The following KIF13A variants were observed in gnomAD, a reference collection of about 807,000 sequenced individuals.
KIF13A encodes kinesin-like protein KIF13A.
KIF13A carries 79 observed loss-of-function variants against 212.2 expected under a neutral mutation model. The ratio of observed to expected loss-of-function variants is 0.37; its 90% CI spans 0.31 to 0.45. The LOEUF (loss-of-function observed/expected upper bound fraction) is 0.45, where lower values mean the gene tolerates loss of function less well. Ranked by LOEUF, KIF13A falls within the 20% of genes least tolerant of loss-of-function variation. KIF13A has a pLI of 1.00. For synonymous variants in KIF13A, 789 were observed against 808.6 expected (o/e 0.98, Z 0.41); for missense variants, 1,901 against 2,209.0 (o/e 0.86, Z 2.79).
At chr6:17,913,379 A>G (rs1285670503) in intron 2 of KIF13A, among the ~76,000 whole-genome samples, 1 of 152,160 alleles carries the variant, frequency 6.6e-6, no homozygotes, top group Non-Finnish European at 1.5e-5. Flanking sequence ...TCAATGAATC[A>G]ACTTCTTATG....
At position 17,787,769 on chromosome 6, in the gene KIF13A, C is replaced by G; in HGVS notation, c.3361+7G>C. On this transcript the variant is annotated splice_region_variant and intron_variant, in intron 27 of 38. Transcript: ENST00000259711. The surrounding 1 kb of genome is among the most constrained non-coding windows in gnomAD (Gnocchi z 4.6). ...TACTCCCCATAAAAGAGTTTGATCT[C>G]ACATACCTGTTTTATTGCTGACTTT... is the stretch of plus-strand genomic sequence containing the variant. 1 of 1,570,682 alleles carries G rather than the reference C, an allele frequency of 6.4e-7. No individual in the cohort carries two copies. The highest frequency in any genetic ancestry group is 8.8e-7 in the Non-Finnish European group (1 of 1,140,514).
chr6:17,835,022 T>C (rs1765797846), intron 11 of KIF13A, among the ~76,000 whole-genome samples: 1 of 150,902 alleles, frequency 6.6e-6, no homozygotes, highest in Non-Finnish European at 1.5e-5. Context: ...CTACTAAAAA[T>C]ACAAAAAAAA....
chr6:17,882,340 ATTCTTT>A (rs1007595358), intron 3 of KIF13A, among the ~76,000 whole-genome samples: 3 of 152,250 alleles, frequency 2.0e-5, no homozygotes, highest in Non-Finnish European at 4.4e-5. Context: ...CAAAACAAGT[ATTCTTT>A]TTCTAAGAAA....
Position 17,895,419 on chromosome 6 carries a change from G to C in KIF13A, c.159+2749C>G, listed in dbSNP as rs1300940951. Among the ~76,000 whole-genome samples the C allele has an allele frequency of 1.3e-5, 2 of 152,136 alleles. No homozygotes were observed. The highest frequency in any genetic ancestry group is 2.9e-5 in the Non-Finnish European group (2 of 68,020). On this transcript the variant is annotated intron_variant, in intron 3 of 38. Transcript: ENST00000259711. The surrounding 1 kb of genome is among the most constrained non-coding windows in gnomAD (Gnocchi z 4.4). Reference sequence around the variant, plus strand: ...TCATTTACTTCTGCCAGGTGCCTATGGGCACCTGCATTCTGGTATCACTTT... The same window carrying C: ...TCATTTACTTCTGCCAGGTGCCTATCGGCACCTGCATTCTGGTATCACTTT...
chr6:17,855,293 A>T lies in KIF13A; in HGVS notation c.494+144T>A. On this transcript the variant is annotated intron_variant, in intron 6 of 38. Coordinates refer to ENST00000259711, the MANE Select transcript of KIF13A (RefSeq NM_022113.6). The surrounding 1 kb of genome is among the most constrained non-coding windows in gnomAD (Gnocchi z 4.1). ...ACTGGGTATACCAAAAGGCTTTGAGAAGCTGATGATTTTTCTGTAAATGAA... is the reference window on the plus strand; with the variant it reads ...ACTGGGTATACCAAAAGGCTTTGAGTAGCTGATGATTTTTCTGTAAATGAA... The T allele has an allele frequency of 4.8e-6, 3 of 631,298 alleles. No homozygotes were observed. The highest frequency in any genetic ancestry group is 7.9e-6 in the Non-Finnish European group (3 of 378,620). The allele number at this position is 631,298 out of a possible 1,614,324, so 39.1% of individuals were successfully genotyped here.
chr6:17,830,962 G>A (rs41267722), intron 13 of KIF13A, 139 bp downstream of exon 13: 21,601 of 698,884 alleles, frequency 0.031, 470 homozygotes, highest in Non-Finnish European at 0.04. Context: ...AGTGGTGATC[G>A]GAGGGCACTA....
intron 12 of KIF13A, among the ~76,000 whole-genome samples, chr6:17,833,245 A>G (rs112813800): frequency 0.062 from 9,409 of 152,102 alleles, 365 homozygotes; most frequent in Middle Eastern, 0.088. Context: ...CTGTAACCCC[A>G]GCACTCTGGG....
intron 16 of KIF13A, among the ~76,000 whole-genome samples, chr6:17,817,954 G>A (rs889235584): frequency 4.6e-5 from 7 of 151,696 alleles, no homozygotes; most frequent in Admixed American, 1.3e-4. Context: ...CATGATGGTT[G>A]TGGTATAGGT....
rs1420228390 is a variant in KIF13A, at chr6:17,837,324, T to C, written c.942+148A>G. ...AAATGGAATAAAAAGGAGTAGAAAATAGTTTTCATTCTGTGTTCCTAGGAA... is the reference window on the plus strand; with the variant it reads ...AAATGGAATAAAAAGGAGTAGAAAACAGTTTTCATTCTGTGTTCCTAGGAA... On this transcript the variant is annotated intron_variant, in intron 10 of 38. Transcript: ENST00000259711. This position sits in a 1 kb window ranked among gnomAD's most constrained non-coding sequence, Gnocchi z 5.4. The C allele has an allele frequency of 2.9e-6, 2 of 681,898 alleles. No homozygotes were observed. The highest frequency in any genetic ancestry group is 1.9e-5 in the South Asian group (1 of 51,924). 42.2% of individuals were successfully genotyped at this position (681,898 alleles called of 1,614,324 possible).
intron 2 of KIF13A, among the ~76,000 whole-genome samples, chr6:17,979,834 AATTAAACATAAGG>A (rs1780900804): frequency 6.6e-6 from 1 of 152,110 alleles, no homozygotes; most frequent in Non-Finnish European, 1.5e-5. Flanking sequence ...AGAAACAAAA[AATTAAACATAAGG>A]ATTAAACATA....
Position 17,763,990 on chromosome 6 carries a change from G to T in KIF13A, c.*120C>A. On this transcript the variant is annotated 3_prime_UTR_variant, in exon 39 of 39. Transcript: ENST00000259711. ...CTTGCTCTCCGACAGAGACAGCTGT[G>T]CAGGAAGTGAGCCTGCTTCTCTGTG... is the stretch of plus-strand genomic sequence containing the variant. The T allele has an allele frequency of 6.8e-7, 1 of 1,459,902 alleles. No individual in the cohort carries two copies. The highest frequency in any genetic ancestry group is 9.0e-7 in the Non-Finnish European group (1 of 1,105,690). 90.4% of individuals were successfully genotyped at this position (1,459,902 alleles called of 1,614,324 possible). A position where few individuals can be genotyped will look rare whatever the true frequency, so the allele number is the denominator to read the frequency against.
rs566296312 is a variant in KIF13A at position 17,918,607 on chromosome 6, T to C, written c.147-20427A>G. 6.6e-6 allele frequency among the ~76,000 whole-genome samples: 1 copy of C among 152,250 alleles called. No homozygotes were observed. The highest frequency in any genetic ancestry group is 1.9e-4 in the East Asian group (1 of 5,174). ...TGTGTCGAGTTATCTAAATGGACCT[T>C]GTGTTTTCTTGGGGCTGCCTTCCTA... is the stretch of plus-strand genomic sequence containing the variant. On this transcript the variant is annotated intron_variant, in intron 2 of 38. Transcript: ENST00000259711. The surrounding 1 kb of genome is among the most constrained non-coding windows in gnomAD (Gnocchi z 4.8).
chr6:17,894,968 A>G (rs765123896), intron 3 of KIF13A, among the ~76,000 whole-genome samples: 30 of 152,220 alleles, frequency 2.0e-4, no homozygotes, highest in Non-Finnish European at 3.4e-4. Flanking sequence ...TGGCTGAGTT[A>G]TCATTAACTC....
Position 17,912,515 on chromosome 6 carries a change from C to T in KIF13A, c.147-14335G>A, listed in dbSNP as rs1774165406. Among the ~76,000 whole-genome samples the T allele has an allele frequency of 6.6e-6, 1 of 152,242 alleles. No individual in the cohort carries two copies. Among genetic ancestry groups the T allele is most frequent in the Non-Finnish European group, 1.5e-5 (1 of 68,050 alleles). ...TCCCTGGCTTCCAACTGTTCTCACC[C>T]TAAGCACTTATTAGCATATAGACAA... On this transcript the variant is annotated intron_variant, in intron 2 of 38. Coordinates refer to ENST00000259711, the MANE Select transcript of KIF13A (RefSeq NM_022113.6). This position sits in a 1 kb window ranked among gnomAD's most constrained non-coding sequence, Gnocchi z 4.2.
Position 17,799,868 on chromosome 6 carries a change from T to C in KIF13A, c.2616+84A>G. The C allele has an allele frequency of 6.7e-7, 1 of 1,493,392 alleles. No homozygotes were observed. The highest frequency in any genetic ancestry group is 9.1e-7 in the Non-Finnish European group (1 of 1,096,268). 92.5% of individuals were successfully genotyped at this position (1,493,392 alleles called of 1,614,324 possible). On this transcript the variant is annotated intron_variant, in intron 21 of 38. Transcript: ENST00000259711. This position sits in a 1 kb window ranked among gnomAD's most constrained non-coding sequence, Gnocchi z 4.4. ...AAAATCCAACTTTTACTACCCTGGA[T>C]GAAAAACTCTCATAAGATTTTTTGT... is the stretch of plus-strand genomic sequence containing the variant.
In KIF13A at chr6:17,898,212, A is replaced by C; in HGVS notation, c.147-32T>G. 1 of 1,609,746 alleles carries C rather than the reference A, an allele frequency of 6.2e-7. No homozygotes were observed. The highest frequency in any genetic ancestry group is 1.7e-4 in the Middle Eastern group (1 of 6,052). On this transcript the variant is annotated intron_variant, in intron 2 of 38. Transcript: ENST00000259711. The surrounding 1 kb of genome is among the most constrained non-coding windows in gnomAD (Gnocchi z 5.2). The stretch of plus-strand genomic sequence containing the variant: ...GATGGGAAAAAAAAAATTCAGCAGC[A>C]GGGATACAGAGGGTTGTCAACACAG...
chr6:17,826,861 A>AT lies in KIF13A; in HGVS notation c.1533-738dup, dbSNP rs1368345959. Among the ~76,000 whole-genome samples the AT allele has an allele frequency of 6.6e-6, 1 of 152,092 alleles. No individual in the cohort carries two copies. Among genetic ancestry groups the AT allele is most frequent in the African/African-American group, 2.4e-5 (1 of 41,430 alleles). On this transcript the variant is annotated intron_variant, in intron 14 of 38. Transcript: ENST00000259711. This position sits in a 1 kb window ranked among gnomAD's most constrained non-coding sequence, Gnocchi z 4.7. ...TCATCTTTTAGAGAGACATAGTGAG[A>AT]TATTTATAGATACAATGTTATAAAA...
chr6:17,818,189 C>T (rs1764119164), intron 16 of KIF13A, among the ~76,000 whole-genome samples: 1 of 152,200 alleles, frequency 6.6e-6, no homozygotes, highest in Admixed American at 6.5e-5. Context: ...CTGAGAGATG[C>T]ATTCTCAGAC....
chr6:17,901,515 C>T (rs980073082), intron 2 of KIF13A, among the ~76,000 whole-genome samples: 15 of 152,188 alleles, frequency 9.9e-5, no homozygotes, highest in African/African-American at 3.4e-4. Flanking sequence ...CAGCAGCCAA[C>T]TGAGCATTAG....
Sources: gnomAD v4.1 joint callset for allele counts (sites outside exome capture counted in the v4.1 genomes callset) on GRCh38, gnomAD v4.1.1 for gene constraint, Gnocchi (gnomAD v3.1) non-coding constraint, MANE v1.5 for transcripts, NCBI Gene and HGNC (gene_info 2026-07-23, HGNC 2026-07-21) for gene names.